The following CAP1 variants were observed in gnomAD, a reference collection of about 807,000 sequenced individuals.
The protein encoded by CAP1 is adenylyl cyclase-associated protein 1.
Under a neutral mutation model 58.2 loss-of-function variants are expected in CAP1, and 11 were observed. The observed-to-expected ratio is 0.19, with a 90% CI of 0.12 to 0.31. The LOEUF is 0.31. Among genes scored for constraint, CAP1 ranks in the 10% least tolerant of loss-of-function variants. The pLI is 1.00. For missense variants in CAP1, 423 were observed against 587.5 expected, an observed-to-expected ratio of 0.72 and a Z score of 2.89; for synonymous variants, 183 against 213.8, an observed-to-expected ratio of 0.86 and a Z score of 1.26.
At chr1:40,063,142 T>G (rs1419138796) in intron 4 of CAP1, among the ~76,000 whole-genome samples, 2 of 151,686 alleles carry the variant, frequency 1.3e-5, no homozygotes, top group Admixed American at 1.3e-4. Context: ...GACTACAGTG[T>G]GCACCACCAT....
chr1:40,067,530 AT>A lies in CAP1; in HGVS notation c.631-8del, dbSNP rs771740756. On this transcript the variant is annotated splice_polypyrimidine_tract_variant and intron_variant, in intron 7 of 12. Coordinates refer to ENST00000372805, the MANE Select transcript of CAP1 (RefSeq NM_006367.4). ...GAGGATGATGATGTTACCTGCACTT[AT>A]TGTTCCAGGGGCCTGTGGCAAAAGA... The A allele has an allele frequency of 3.7e-6, 6 of 1,603,162 alleles. No individual in the cohort carries two copies. The highest frequency in any genetic ancestry group is 1.3e-5 in the African/African-American group (1 of 74,478).
chr1:40,047,133 CCCCATATAATCCCATATAATCT>C, intron 1 of CAP1, among the ~76,000 whole-genome samples: 1 of 107,604 alleles, frequency 9.3e-6, no homozygotes, highest in Admixed American at 9.0e-5. Flanking sequence ...GTTGATTAAT[CCCCATATAATCCCATATAATCT>C]TATGGGACCA....
At chr1:40,055,003 G>A (rs567569925) in intron 1 of CAP1, among the ~76,000 whole-genome samples, 97 of 152,334 alleles carry the variant, frequency 6.4e-4, no homozygotes, top group African/African-American at 2.3e-3. Context: ...ACACAGATAA[G>A]TGCACAGTGT....
At chr1:40,060,649 TC>T (rs1327938633) in intron 3 of CAP1, among the ~76,000 whole-genome samples, 7 of 151,920 alleles carry the variant, frequency 4.6e-5, no homozygotes, top group African/African-American at 1.7e-4. Context: ...CCTTTATGCC[TC>T]CTACGTCATC....
At chr1:40,049,296 T>G (rs1009136694) in intron 1 of CAP1, among the ~76,000 whole-genome samples, 2 of 150,938 alleles carry the variant, frequency 1.3e-5, no homozygotes, top group African/African-American at 4.9e-5. Context: ...CAAGAGATTC[T>G]TGTGCCTCAG....
At chr1:40,068,763 G>A (rs768726395) in intron 8 of CAP1, among the ~76,000 whole-genome samples, 5 of 152,138 alleles carry the variant, frequency 3.3e-5, no homozygotes, top group Non-Finnish European at 5.9e-5. Context: ...GTGTCAGCCT[G>A]CTGTGGGAGA....
chr1:40,059,279 T>C, intron 1 of CAP1, 58 bp from the exon 2 acceptor site: 2 of 1,000,394 alleles, frequency 2.0e-6, no homozygotes, highest in Non-Finnish European at 3.1e-6. Context: ...TCTGTTTTTT[T>C]CTCTGTAGGT....
At chr1:40,054,284 A>G (rs1244482252) in intron 1 of CAP1, among the ~76,000 whole-genome samples, 1 of 149,492 alleles carries the variant, frequency 6.7e-6, no homozygotes, top group Non-Finnish European at 1.5e-5. Flanking sequence ...TCCACCTCTC[A>G]GGTTCAAGCA....
chr1:40,050,833 TC>T (rs1446967473), intron 1 of CAP1, among the ~76,000 whole-genome samples: 1 of 152,194 alleles, frequency 6.6e-6, no homozygotes, highest in Non-Finnish European at 1.5e-5. Context: ...TATTATTCTT[TC>T]ACTCAAAACC....
At chr1:40,067,046 A>G (rs1333305973) in intron 7 of CAP1, among the ~76,000 whole-genome samples, 1 of 152,244 alleles carries the variant, frequency 6.6e-6, no homozygotes, top group East Asian at 1.9e-4. Context: ...TTTGGGGGAT[A>G]GTAGAAAAAC....
chr1:40,069,621 T>A lies in CAP1; in HGVS notation c.809-69T>A. 3.6e-6 allele frequency: 5 copies of A among 1,390,896 alleles called. No individual in the cohort carries two copies. In the South Asian group the frequency reaches 6.4e-5, roughly 18 times the overall value. 86.2% of individuals were successfully genotyped at this position (1,390,896 alleles called of 1,614,324 possible). On this transcript the variant is annotated intron_variant, in intron 8 of 12. Transcript: ENST00000372805. ...GCTTTGAATTTTCTGTTAAGGATGT[T>A]TAACATGACGATAGCAGCTCAAAGG... is the stretch of plus-strand genomic sequence containing the variant.
intron 1 of CAP1, among the ~76,000 whole-genome samples, chr1:40,054,689 T>C (rs547375099): frequency 6.6e-6 from 1 of 152,338 alleles, no homozygotes; most frequent in African/African-American, 2.4e-5. Context: ...TCACCCAGGC[T>C]GGAGTGCAGT....
intron 1 of CAP1, 51 bp from the exon 2 acceptor site, chr1:40,059,286 A>G: frequency 9.4e-7 from 1 of 1,065,932 alleles, no homozygotes; most frequent in Non-Finnish European, 1.5e-6. Flanking sequence ...TTTTCTCTGT[A>G]GGTGCTATTT....
At chr1:40,046,053 A>G (rs188001488) in intron 1 of CAP1, among the ~76,000 whole-genome samples, 1 of 152,218 alleles carries the variant, frequency 6.6e-6, no homozygotes, top group Non-Finnish European at 1.5e-5. Flanking sequence ...TGATGGTGTA[A>G]GTCAGCAGAT....
At chr1:40,058,502 G>A (rs1214367645) in intron 1 of CAP1, among the ~76,000 whole-genome samples, 2 of 152,174 alleles carry the variant, frequency 1.3e-5, no homozygotes, top group African/African-American at 4.8e-5. Flanking sequence ...AAGGCGGGTG[G>A]ATTACTTGAG....
At chr1:40,057,622 CCTTA>C (rs747070028) in intron 1 of CAP1, 1 of 152,030 alleles carries the variant, frequency 6.6e-6, no homozygotes, top group Non-Finnish European at 1.5e-5. Flanking sequence ...ATATTGTCTT[CCTTA>C]CTTTATCTTG....
intron 4 of CAP1, among the ~76,000 whole-genome samples, chr1:40,063,142 T>C (rs1419138796): frequency 6.6e-6 from 1 of 151,686 alleles, no homozygotes; most frequent in Non-Finnish European, 1.5e-5. Context: ...GACTACAGTG[T>C]GCACCACCAT....
At chr1:40,058,379 A>C (rs973983710) in intron 1 of CAP1, among the ~76,000 whole-genome samples, 2 of 151,774 alleles carry the variant, frequency 1.3e-5, no homozygotes, top group Admixed American at 1.3e-4. Context: ...ATTTTTTTCT[A>C]TTTGTTTCAT....
At chr1:40,042,396 G>C (rs147071943) in intron 1 of CAP1, among the ~76,000 whole-genome samples, 6 of 152,182 alleles carry the variant, frequency 3.9e-5, no homozygotes, top group African/African-American at 7.2e-5. Flanking sequence ...GGAAATGGGA[G>C]GCTAACTCTT....
Sources: gnomAD v4.1 joint callset for allele counts (sites outside exome capture counted in the v4.1 genomes callset) on GRCh38, gnomAD v4.1.1 for gene constraint, MANE v1.5 for transcripts, NCBI Gene and HGNC (gene_info 2026-07-23, HGNC 2026-07-21) for gene names.